TPTE: variants seen among roughly 807,000 people sequenced by gnomAD.
The protein encoded by TPTE is putative tyrosine-protein phosphatase TPTE.
A neutral mutation model predicts 84.1 loss-of-function variants in TPTE; 59 were observed. That is an observed-to-expected ratio of 0.70 (90% CI 0.57 to 0.87). The LOEUF is 0.87. TPTE is among the 40% of genes least tolerant of loss of function. TPTE has a pLI of 0.00. For synonymous variants in TPTE, 130 were observed against 223.5 expected, an observed-to-expected ratio of 0.58 and a Z score of 3.73; for missense variants, 382 against 659.6, an observed-to-expected ratio of 0.58 and a Z score of 4.61.
At chr21:10,538,447 AGGT>A in intron 3 of TPTE, among the ~76,000 whole-genome samples, 1 of 152,308 alleles carries the variant, frequency 6.6e-6, no homozygotes, top group Non-Finnish European at 1.5e-5. Context: ...CATAATAAAG[AGGT>A]TTATTTAAAT....
At chr21:10,523,750 G>A (rs1280738384) in intron 1 of TPTE, among the ~76,000 whole-genome samples, 1 of 152,414 alleles carries the variant, frequency 6.6e-6, no homozygotes, top group African/African-American at 2.4e-5. Context: ...TAGTGCTGCA[G>A]TAAACATACG....
At chr21:10,552,478 A>T (rs1389632959) in intron 7 of TPTE, among the ~76,000 whole-genome samples, 179 bp from the exon 8 acceptor site, 1 of 152,310 alleles carries the variant, frequency 6.6e-6, no homozygotes, top group Non-Finnish European at 1.5e-5. Flanking sequence ...ATGAGGAAAG[A>T]GTTTCTGGTT....
intron 17 of TPTE, among the ~76,000 whole-genome samples, chr21:10,579,115 TCTA>T (rs1181674714): frequency 9.9e-5 from 15 of 152,274 alleles, no homozygotes; most frequent in Non-Finnish European, 2.2e-4. Flanking sequence ...ACATTTAAAA[TCTA>T]CTGTCTCAGC....
chr21:10,538,596 G>A (rs2074309846), intron 3 of TPTE, 85 bp from the exon 4 acceptor site: 2 of 1,590,946 alleles, frequency 1.3e-6, no homozygotes, highest in Non-Finnish European at 1.7e-6. Context: ...TGGTTTATGT[G>A]CAGATTAATG....
At chr21:10,592,905 C>A (rs1422952850) in intron 19 of TPTE, among the ~76,000 whole-genome samples, 6 of 152,306 alleles carry the variant, frequency 3.9e-5, no homozygotes, top group Non-Finnish European at 8.8e-5. Context: ...TTTCAAAACC[C>A]CTTCTGTATC....
At chr21:10,562,276 A>G (rs1186495195) in intron 10 of TPTE, among the ~76,000 whole-genome samples, 6 of 152,310 alleles carry the variant, frequency 3.9e-5, no homozygotes, top group Admixed American at 2.0e-4. Flanking sequence ...GGGTACAAAC[A>G]AGCCCTGACA....
chr21:10,542,375 T>C lies in TPTE; in HGVS notation c.66-20T>C. 1 of 1,609,860 alleles carries C rather than the reference T, an allele frequency of 6.2e-7. No homozygotes were observed. Among genetic ancestry groups the C allele is most frequent in the Non-Finnish European group, 8.5e-7 (1 of 1,176,996 alleles). On this transcript the variant is annotated intron_variant, in intron 5 of 23. Transcript: ENST00000618007. ...AGAATTATGTCTCCTCTCTGACTGT[T>C]TTCTCTTATCATCCACTAGTCCACA...
chr21:10,596,851 T>C (rs2075598317), intron 20 of TPTE, among the ~76,000 whole-genome samples: 1 of 152,310 alleles, frequency 6.6e-6, no homozygotes, highest in Non-Finnish European at 1.5e-5. Context: ...ATTTCACTGA[T>C]TTCTGGTAGA....
chr21:10,587,547 TTTC>T (rs2075388535), intron 17 of TPTE, among the ~76,000 whole-genome samples: 1 of 152,284 alleles, frequency 6.6e-6, no homozygotes, highest in East Asian at 1.9e-4. Flanking sequence ...AAGGAAATGA[TTTC>T]TTTTTTTTTT....
chr21:10,543,874 A>G (rs1334218913), intron 7 of TPTE, among the ~76,000 whole-genome samples: 1 of 152,298 alleles, frequency 6.6e-6, no homozygotes, highest in Non-Finnish European at 1.5e-5. Context: ...AGCCCTGGGA[A>G]AAAAAGAATG....
intron 3 of TPTE, among the ~76,000 whole-genome samples, chr21:10,532,363 T>C (rs1462307992): frequency 3.3e-5 from 5 of 152,304 alleles, no homozygotes; most frequent in African/African-American, 9.6e-5. Flanking sequence ...GCTCCCTTCT[T>C]GTACATTTTA....
At chr21:10,543,597 CA>C (rs1213598973) in intron 7 of TPTE, among the ~76,000 whole-genome samples, 1 of 152,300 alleles carries the variant, frequency 6.6e-6, no homozygotes, top group Non-Finnish European at 1.5e-5. Context: ...CATGGCCATA[CA>C]GAGTGTTTTT....
At chr21:10,553,312 C>G (rs535194965) in intron 8 of TPTE, among the ~76,000 whole-genome samples, 142 of 152,348 alleles carry the variant, frequency 9.3e-4, no homozygotes, top group African/African-American at 3.3e-3. Context: ...TTTTCTTCTG[C>G]TTCTTTCTTG....
chr21:10,550,499 GTAA>G (rs979195246), intron 7 of TPTE, among the ~76,000 whole-genome samples: 15 of 152,424 alleles, frequency 9.8e-5, no homozygotes, highest in South Asian at 2.1e-4. Flanking sequence ...AGATTATTAT[GTAA>G]TAATAAAGGG....
chr21:10,575,826 GA>G (rs61122354), intron 14 of TPTE, among the ~76,000 whole-genome samples: 733 of 147,470 alleles, frequency 5.0e-3, no homozygotes, highest in African/African-American at 0.011. Flanking sequence ...ACAAAAATAT[GA>G]AAAAAAAAAA....
chr21:10,565,091 C>A (rs1319732915), intron 10 of TPTE, among the ~76,000 whole-genome samples: 4 of 152,304 alleles, frequency 2.6e-5, no homozygotes, highest in African/African-American at 9.6e-5. Context: ...GCAGATGATA[C>A]ATTTTATTTG....
chr21:10,547,263 A>G (rs2074485768), intron 7 of TPTE, among the ~76,000 whole-genome samples: 1 of 152,428 alleles, frequency 6.6e-6, no homozygotes, highest in South Asian at 2.1e-4. Context: ...CTGAGATTTG[A>G]TTAGAGTATC....
intron 17 of TPTE, among the ~76,000 whole-genome samples, chr21:10,589,467 C>T (rs867991692): frequency 1.2e-3 from 189 of 151,316 alleles, no homozygotes; most frequent in African/African-American, 4.4e-3. Context: ...TCTGAGCTCC[C>T]TCAGCCCTAG....
chr21:10,541,715 G>A (rs1600870313), intron 5 of TPTE, among the ~76,000 whole-genome samples: 1 of 152,302 alleles, frequency 6.6e-6, no homozygotes, highest in African/African-American at 2.4e-5. Flanking sequence ...CCCTTAGTAA[G>A]TAGCAGGCAA....
Sources: gnomAD v4.1 joint callset for allele counts (sites outside exome capture counted in the v4.1 genomes callset) on GRCh38, gnomAD v4.1.1 for gene constraint, MANE v1.5 for transcripts, NCBI Gene and HGNC (gene_info 2026-07-23, HGNC 2026-07-21) for gene names.